Variants in CSMD1 observed in about 807,000 individuals in gnomAD.
CSMD1 encodes the protein CUB and sushi domain-containing protein 1.
In CSMD1, 213 loss-of-function variants were observed where a neutral mutation model predicts 417.5. The observed-to-expected ratio is 0.51, with a 90% confidence interval of 0.46 to 0.57. The LOEUF (loss-of-function observed/expected upper bound fraction) is 0.57. CSMD1 is among the 20% of genes least tolerant of loss of function. The probability of loss-of-function intolerance (pLI) is 0.00; values close to 1 mark genes in which losing one functional copy is unlikely to be tolerated. For missense variants in CSMD1, 6,923 were observed against 4,529.7 expected, an observed-to-expected ratio of 1.53 and a Z score of -15.17; for synonymous variants, 2,862 against 1,736.8, an observed-to-expected ratio of 1.65 and a Z score of -16.11.
intron 2 of CSMD1, among the ~76,000 whole-genome samples, chr8:4,457,556 C>T (rs1432573238): frequency 2.0e-5 from 3 of 151,948 alleles, no homozygotes; most frequent in African/African-American, 7.3e-5. Context: ...ACTAGATGGG[C>T]CTGTTAATTT....
intron 3 of CSMD1, among the ~76,000 whole-genome samples, chr8:4,107,753 G>C (rs1453968565): frequency 1.3e-5 from 2 of 152,162 alleles, no homozygotes; most frequent in Non-Finnish European, 2.9e-5. Context: ...GCTGCGGTTT[G>C]TCACATGACT....
chr8:4,954,086 A>G (rs1387294167), intron 1 of CSMD1, among the ~76,000 whole-genome samples: 3 of 152,204 alleles, frequency 2.0e-5, no homozygotes, highest in African/African-American at 7.2e-5. Context: ...TCTTCCATGT[A>G]TCCTACCTGT....
At chr8:3,879,034 A>C (rs1806023920) in intron 5 of CSMD1, among the ~76,000 whole-genome samples, 1 of 152,174 alleles carries the variant, frequency 6.6e-6, no homozygotes, top group South Asian at 2.1e-4. Context: ...TTACCTCTGA[A>C]GTTTGGATAG....
At chr8:3,529,737 G>A (rs866778515) in intron 10 of CSMD1, among the ~76,000 whole-genome samples, 7 of 152,052 alleles carry the variant, frequency 4.6e-5, no homozygotes, top group South Asian at 2.1e-4. Context: ...TTTACTCACA[G>A]GAAACGGAAT....
chr8:3,099,167 C>G (rs1316577592), intron 46 of CSMD1, among the ~76,000 whole-genome samples: 1 of 152,098 alleles, frequency 6.6e-6, no homozygotes, highest in African/African-American at 2.4e-5. Flanking sequence ...CTTCACTCAT[C>G]AGACCTTACT....
chr8:4,670,107 G>A (rs113676894), intron 1 of CSMD1, among the ~76,000 whole-genome samples: 1 of 152,138 alleles, frequency 6.6e-6, no homozygotes, highest in Non-Finnish European at 1.5e-5. Context: ...GTAAGATAGG[G>A]CAAACTTTCT....
intron 3 of CSMD1, among the ~76,000 whole-genome samples, chr8:4,360,702 C>T (rs1487854515): frequency 1.3e-5 from 2 of 152,070 alleles, no homozygotes; most frequent in Non-Finnish European, 2.9e-5. Context: ...AACATCTTAG[C>T]CAGGATGGTC....
At chr8:3,414,640 C>T (rs1057085864) in intron 12 of CSMD1, among the ~76,000 whole-genome samples, 1 of 152,160 alleles carries the variant, frequency 6.6e-6, no homozygotes, top group Non-Finnish European at 1.5e-5. Flanking sequence ...GTTCTTAGTC[C>T]AGATCCTATC....
chr8:3,139,290 T>C (rs1000139910), intron 41 of CSMD1, among the ~76,000 whole-genome samples: 2 of 152,152 alleles, frequency 1.3e-5, no homozygotes, highest in African/African-American at 2.4e-5. Context: ...GATGGAAATA[T>C]AGGAGGATTC....
intron 3 of CSMD1, among the ~76,000 whole-genome samples, chr8:4,060,475 T>C (rs1798914896): frequency 6.6e-6 from 1 of 152,160 alleles, no homozygotes. Context: ...CTTGTTATTA[T>C]TTGAGAAGGA....
intron 2 of CSMD1, among the ~76,000 whole-genome samples, chr8:4,524,524 G>T (rs1352797975): frequency 1.3e-5 from 2 of 151,652 alleles, no homozygotes; most frequent in Admixed American, 1.3e-4. Context: ...ATGACAGCAG[G>T]GTATGAACCC....
intron 10 of CSMD1, among the ~76,000 whole-genome samples, chr8:3,532,035 T>C (rs76182042): frequency 1.3e-5 from 2 of 152,244 alleles, no homozygotes; most frequent in Non-Finnish European, 2.9e-5. Flanking sequence ...CAGTTTTTCA[T>C]GCCCTGTCTA....
At chr8:4,893,848 T>C (rs1161245562) in intron 1 of CSMD1, among the ~76,000 whole-genome samples, 1 of 152,146 alleles carries the variant, frequency 6.6e-6, no homozygotes, top group Non-Finnish European at 1.5e-5. Context: ...AGCATACAGT[T>C]GTTCTTACCC....
rs908844206 is a variant in CSMD1, at chr8:4,286,533, T to C, written c.415+133420A>G. On this transcript the variant is annotated intron_variant, in intron 3 of 69. Coordinates refer to ENST00000635120, the MANE Select transcript of CSMD1 (RefSeq NM_033225.6). ...AAGACACTCTTCTGAGATAATATGG[T>C]CTCATCATTAAGAACATGGGCATGA... Among the ~76,000 whole-genome samples, 3 of 151,956 alleles carry C rather than the reference T, an allele frequency of 2.0e-5. No homozygotes were observed. In the East Asian group the frequency reaches 5.8e-4, roughly 29 times the overall value.
chr8:4,139,261 G>C (rs373766534), intron 3 of CSMD1, among the ~76,000 whole-genome samples: 26 of 140,886 alleles, frequency 1.8e-4, no homozygotes, highest in African/African-American at 5.9e-4. Context: ...TTATGCATCA[G>C]TGTAAAGTGT....
intron 8 of CSMD1, among the ~76,000 whole-genome samples, chr8:3,614,537 C>G (rs1020917971): frequency 6.6e-6 from 1 of 152,146 alleles, no homozygotes; most frequent in Non-Finnish European, 1.5e-5. Context: ...TCACAACTTC[C>G]CTGTTAACTT....
At chr8:4,405,626 C>A (rs1804962179) in intron 3 of CSMD1, among the ~76,000 whole-genome samples, 1 of 152,166 alleles carries the variant, frequency 6.6e-6, no homozygotes, top group African/African-American at 2.4e-5. Context: ...AAAAGAAAAA[C>A]AAGGTTTTGC....
At chr8:3,943,322 A>G (rs1455407781) in intron 5 of CSMD1, among the ~76,000 whole-genome samples, 1 of 151,618 alleles carries the variant, frequency 6.6e-6, no homozygotes, top group East Asian at 1.9e-4. Flanking sequence ...GAACTAGAAG[A>G]GTGAAGTATT....
intron 5 of CSMD1, among the ~76,000 whole-genome samples, chr8:3,941,886 G>C (rs945083666): frequency 1.3e-5 from 2 of 152,104 alleles, no homozygotes; most frequent in African/African-American, 4.8e-5. Flanking sequence ...GTCAGTCTGT[G>C]CCCTTTTAGG....
Sources: allele counts gnomAD v4.1 joint callset (sites outside exome capture counted in the v4.1 genomes callset), GRCh38; gene constraint gnomAD v4.1.1; transcripts MANE v1.5; gene names NCBI Gene and HGNC (gene_info 2026-07-23, HGNC 2026-07-21).